NSD1: variants seen among roughly 807,000 people sequenced by gnomAD.
NSD1 encodes nuclear receptor binding SET domain protein 1.
Under a neutral mutation model 242.7 loss-of-function variants are expected in NSD1, and 26 were observed. The observed-to-expected ratio is 0.11, with a 90% CI of 0.08 to 0.15. NSD1 has a LOEUF of 0.15. NSD1 is among the 10% of genes least tolerant of loss of function. NSD1 has a pLI of 1.00. For synonymous variants in NSD1, 1,106 were observed against 1,178.1 expected, an observed-to-expected ratio of 0.94 and a Z score of 1.25; for missense variants, 2,495 against 3,272.8, an observed-to-expected ratio of 0.76 and a Z score of 5.80.
At chr5:177,241,441 G>A (rs1201086177) in intron 8 of NSD1, among the ~76,000 whole-genome samples, 3 of 151,744 alleles carry the variant, frequency 2.0e-5, no homozygotes, top group Non-Finnish European at 4.4e-5. Flanking sequence ...GGAGGCAGAG[G>A]TTGCAGTGAG....
intron 14 of NSD1, chr5:177,265,980 C>A (rs959730055): frequency 1.9e-6 from 2 of 1,075,026 alleles, no homozygotes; most frequent in Non-Finnish European, 2.9e-6. Flanking sequence ...TCCACCACAT[C>A]CACTAGGGTT....
intron 5 of NSD1, among the ~76,000 whole-genome samples, chr5:177,218,734 A>C (rs1329088423): frequency 6.6e-6 from 1 of 150,630 alleles, no homozygotes; most frequent in Non-Finnish European, 1.5e-5. Flanking sequence ...CGCCCGGCTA[A>C]ATTTTTTTTG....
chr5:177,265,772 A>G (rs879077954), intron 14 of NSD1: 15 of 1,478,572 alleles, frequency 1.0e-5, no homozygotes, highest in Non-Finnish European at 1.4e-5. Flanking sequence ...GGACTCGGGT[A>G]TGGTGGAGAA....
intron 16 of NSD1, among the ~76,000 whole-genome samples, chr5:177,273,312 T>TAAA (rs11452158): frequency 0.059 from 5,344 of 90,766 alleles, 430 homozygotes; most frequent in Non-Finnish European, 0.089. Context: ...ACTGATGAGC[T>TAAA]AAAAAAAAAA....
chr5:177,292,230 C>T (rs1759896297), intron 22 of NSD1, 72 bp downstream of exon 22: 1 of 1,499,044 alleles, frequency 6.7e-7, no homozygotes, highest in African/African-American at 1.4e-5. Flanking sequence ...CCATTTGCAT[C>T]AGCCTTGAAG....
intron 2 of NSD1, among the ~76,000 whole-genome samples, chr5:177,189,042 C>CA (rs61212125): frequency 9.7e-4 from 147 of 151,286 alleles, no homozygotes; most frequent in African/African-American, 2.8e-3. Flanking sequence ...GAACCTGTCT[C>CA]AAAAAAAACA....
Position 177,135,541 on chromosome 5 carries a change from C to G in NSD1, c.438C>G (p.Ile146Met), listed in dbSNP as rs1240259079. ...PELQVKVTKT[I>M]KNGFLHFENF... Reference sequence around the variant, plus strand: ...TCCAGGTAAAAGTAACAAAGACTATCAAGAATGGCTTTCTGCACTTTGAGA... The same window carrying G: ...TCCAGGTAAAAGTAACAAAGACTATGAAGAATGGCTTTCTGCACTTTGAGA... Residue 146 changes from isoleucine to methionine, a missense_variant, in exon 2 of 23, where the codon ATC (isoleucine) becomes ATG (methionine). By Grantham distance (10) the Ile-to-Met change is conservative. Transcript: ENST00000439151. The G allele has an allele frequency of 1.2e-6, 2 of 1,614,152 alleles. No homozygotes were observed. The highest frequency in any genetic ancestry group is 4.5e-5 in the East Asian group (2 of 44,890).
intron 16 of NSD1, among the ~76,000 whole-genome samples, chr5:177,270,187 C>CTTGTG (rs1232659259): frequency 1.3e-5 from 2 of 151,882 alleles, no homozygotes; most frequent in African/African-American, 4.8e-5. Flanking sequence ...CTTGTCTTGT[C>CTTGTG]TTGAGCTCGT....
rs398124385 is a variant in NSD1, at chr5:177,135,852, AAGC to A, written c.753_755del (p.Ala252del). 2.7e-5 allele frequency: 44 copies of A among 1,605,802 alleles called. No individual in the cohort carries two copies. In the African/African-American group the frequency reaches 5.2e-4, roughly 19 times the overall value. ...AATGAAGTGGACGGCAGCAATGAAAAAGCAGCCCTTCTCCCAGCCCCCTTTTCA... is the reference window on the plus strand; with the variant it reads ...AATGAAGTGGACGGCAGCAATGAAAAAGCCCTTCTCCCAGCCCCCTTTTCA... On this transcript the variant is annotated inframe_deletion, in exon 2 of 23. Coordinates refer to ENST00000439151, the MANE Select transcript of NSD1 (RefSeq NM_022455.5).
At chr5:177,209,404 C>T (rs1763152074) in intron 4 of NSD1, among the ~76,000 whole-genome samples, 1 of 151,576 alleles carries the variant, frequency 6.6e-6, no homozygotes, top group Non-Finnish European at 1.5e-5. Flanking sequence ...TGGCGGGTGC[C>T]TGTAATCCCA....
At chr5:177,142,637 G>A (rs1581112032) in intron 2 of NSD1, among the ~76,000 whole-genome samples, 2 of 152,170 alleles carry the variant, frequency 1.3e-5, no homozygotes, top group African/African-American at 4.8e-5. Flanking sequence ...CTGTATAGTT[G>A]AATGTTTTTA....
intron 2 of NSD1, among the ~76,000 whole-genome samples, chr5:177,170,382 G>A (rs1305283736): frequency 6.7e-6 from 1 of 150,180 alleles, no homozygotes; most frequent in Non-Finnish European, 1.5e-5. Context: ...ACGGAGTCTC[G>A]CTCTGTCGCC....
At chr5:177,263,157 T>C (rs1179935261) in intron 14 of NSD1, among the ~76,000 whole-genome samples, 1 of 152,204 alleles carries the variant, frequency 6.6e-6, no homozygotes, top group African/African-American at 2.4e-5. Flanking sequence ...TCTCCTGAGG[T>C]TGTGTCATGG....
intron 13 of NSD1, among the ~76,000 whole-genome samples, chr5:177,259,383 G>A (rs1241258307): frequency 1.3e-5 from 2 of 152,116 alleles, no homozygotes; most frequent in African/African-American, 2.4e-5. Context: ...GGAAGGTAAA[G>A]CAGGAAGTGG....
intron 2 of NSD1, among the ~76,000 whole-genome samples, chr5:177,138,935 G>A (rs989099067): frequency 6.7e-6 from 1 of 149,272 alleles, no homozygotes; most frequent in Admixed American, 6.7e-5. Context: ...CACGGAGCCC[G>A]GCCTCAGACT....
At chr5:177,237,225 T>C (rs1378140534) in intron 6 of NSD1, among the ~76,000 whole-genome samples, 2 of 152,154 alleles carry the variant, frequency 1.3e-5, no homozygotes, top group Non-Finnish European at 2.9e-5. Flanking sequence ...ATGAAGACTT[T>C]CAGATTTTAT....
chr5:177,282,408 C>A (rs771610577), intron 18 of NSD1, 57 bp from the exon 19 acceptor site: 2 of 1,044,494 alleles, frequency 1.9e-6, no homozygotes, highest in Non-Finnish European at 3.0e-6. Flanking sequence ...AAAATGTATA[C>A]ATTTGGATAC....
At chr5:177,194,115 A>G (rs1761912575) in intron 3 of NSD1, among the ~76,000 whole-genome samples, 1 of 152,068 alleles carries the variant, frequency 6.6e-6, no homozygotes, top group Admixed American at 6.6e-5. Flanking sequence ...GTTTTTTCAT[A>G]TAAATTATAT....
At chr5:177,283,294 G>A (rs931179300) in intron 19 of NSD1, among the ~76,000 whole-genome samples, 3 of 152,100 alleles carry the variant, frequency 2.0e-5, no homozygotes, top group Admixed American at 1.3e-4. Context: ...ATTTACCTTT[G>A]TAAACATTTC....
Sources: allele counts gnomAD v4.1 joint callset (sites outside exome capture counted in the v4.1 genomes callset), GRCh38; gene constraint gnomAD v4.1.1; transcripts MANE v1.5; gene names NCBI Gene and HGNC (gene_info 2026-07-23, HGNC 2026-07-21).